PHACTR1: variants seen among roughly 807,000 people sequenced by gnomAD.
The protein encoded by PHACTR1 is RPEL repeat containing 1.
PHACTR1 carries 16 observed loss-of-function variants against 69.2 expected under a neutral mutation model. The observed-to-expected ratio is 0.23, with a 90% confidence interval of 0.16 to 0.35. The LOEUF is 0.35. Ranked by LOEUF, PHACTR1 falls within the 10% of genes least tolerant of loss-of-function variation. The pLI, the probability that PHACTR1 is intolerant of heterozygous loss-of-function variation, is 1.00. For missense variants in PHACTR1, 510 were observed against 734.7 expected (o/e 0.69, Z 3.54); for synonymous variants, 312 against 284.5 (o/e 1.10, Z -0.97).
intron 5 of PHACTR1, among the ~76,000 whole-genome samples, chr6:13,053,971 T>C (rs191339352): frequency 6.6e-6 from 1 of 150,706 alleles, no homozygotes; most frequent in Admixed American, 6.6e-5. Flanking sequence ...AATAAGTGAT[T>C]CTTGGACATA....
chr6:13,213,828 G>A (rs928198452), intron 8 of PHACTR1, among the ~76,000 whole-genome samples: 7 of 152,138 alleles, frequency 4.6e-5, no homozygotes, highest in Non-Finnish European at 7.3e-5. Context: ...ACAACTGTGA[G>A]GAAATACATT....
chr6:12,803,220 C>A (rs1357739365), intron 4 of PHACTR1, among the ~76,000 whole-genome samples: 2 of 152,160 alleles, frequency 1.3e-5, no homozygotes, highest in African/African-American at 2.4e-5. Flanking sequence ...TATGTGTCAA[C>A]CCCGCTGCGT....
intron 4 of PHACTR1, among the ~76,000 whole-genome samples, chr6:12,954,889 A>T (rs1791695088): frequency 6.6e-6 from 1 of 152,256 alleles, no homozygotes; most frequent in Non-Finnish European, 1.5e-5. Context: ...ATGGCCATAT[A>T]TAATCCAGGG....
chr6:13,166,757 C>T (rs1258479984), intron 6 of PHACTR1, among the ~76,000 whole-genome samples: 3 of 152,058 alleles, frequency 2.0e-5, no homozygotes, highest in South Asian at 2.1e-4. Context: ...CCGAGGTATA[C>T]GCAAGGGATT....
At chr6:12,829,783 C>T (rs1019995159) in intron 4 of PHACTR1, among the ~76,000 whole-genome samples, 10 of 150,096 alleles carry the variant, frequency 6.7e-5, no homozygotes, top group East Asian at 1.9e-4. Flanking sequence ...GGTGAAACCC[C>T]GTCTCTACTA....
chr6:12,820,810 G>A (rs1326307205), intron 4 of PHACTR1, among the ~76,000 whole-genome samples: 1 of 152,072 alleles, frequency 6.6e-6, no homozygotes, highest in Admixed American at 6.6e-5. Context: ...AAGAAGCTGA[G>A]TTGCTAAGAT....
At chr6:13,186,724 T>G (rs745674274) in intron 7 of PHACTR1, among the ~76,000 whole-genome samples, 16 of 152,326 alleles carry the variant, frequency 1.1e-4, no homozygotes, top group Admixed American at 2.0e-4. Flanking sequence ...GTCCTCAACC[T>G]TTCTGGCACG....
intron 4 of PHACTR1, among the ~76,000 whole-genome samples, chr6:12,934,850 A>C (rs4711869): frequency 0.98 from 148,215 of 151,390 alleles, 72,635 homozygotes; most frequent in South Asian, 1. Context: ...AAAAAAACAA[A>C]AAAAAAAAAC....
chr6:12,902,938 G>A (rs1191002864), intron 4 of PHACTR1, among the ~76,000 whole-genome samples: 3 of 152,138 alleles, frequency 2.0e-5, no homozygotes, highest in East Asian at 1.9e-4. Flanking sequence ...ACCATTTGTC[G>A]AGACCCAACC....
chr6:13,173,881 G>A (rs577098983), intron 6 of PHACTR1, among the ~76,000 whole-genome samples: 1 of 152,222 alleles, frequency 6.6e-6, no homozygotes, highest in South Asian at 2.1e-4. Flanking sequence ...CTAATTTTTT[G>A]TATTTTTTGT....
intron 4 of PHACTR1, among the ~76,000 whole-genome samples, chr6:12,833,257 CT>C (rs902725417): frequency 4.0e-5 from 6 of 150,080 alleles, no homozygotes; most frequent in Non-Finnish European, 7.4e-5. Context: ...ACCTGTAGTT[CT>C]TTTTTTTTCT....
intron 6 of PHACTR1, among the ~76,000 whole-genome samples, chr6:13,165,035 A>T (rs2113585292): frequency 6.6e-6 from 1 of 152,264 alleles, no homozygotes; most frequent in Non-Finnish European, 1.5e-5. Context: ...AAATCAGAGG[A>T]AATAGTTTGA....
chr6:12,751,336 C>T (rs969843052), intron 4 of PHACTR1, among the ~76,000 whole-genome samples: 2 of 152,140 alleles, frequency 1.3e-5, no homozygotes, highest in African/African-American at 2.4e-5. Context: ...TCCATGGTTC[C>T]CACTTTGGAA....
intron 4 of PHACTR1, among the ~76,000 whole-genome samples, chr6:12,805,751 C>T (rs1381201657): frequency 2.6e-5 from 4 of 152,060 alleles, no homozygotes; most frequent in African/African-American, 9.7e-5. Flanking sequence ...CAGGCACCCA[C>T]CACCACTCCT....
intron 5 of PHACTR1, among the ~76,000 whole-genome samples, chr6:13,134,413 G>A (rs534373285): frequency 6.6e-6 from 1 of 152,332 alleles, no homozygotes; most frequent in South Asian, 2.1e-4. Context: ...GTAGAAAGAA[G>A]TAGACATGGG....
At chr6:12,854,025 A>T (rs1237113870) in intron 4 of PHACTR1, among the ~76,000 whole-genome samples, 2 of 152,238 alleles carry the variant, frequency 1.3e-5, no homozygotes, top group African/African-American at 4.8e-5. Flanking sequence ...CAATACGTAT[A>T]GGTGGAACTA....
intron 4 of PHACTR1, among the ~76,000 whole-genome samples, chr6:13,029,467 G>A (rs545651323): frequency 6.6e-6 from 1 of 152,256 alleles, no homozygotes; most frequent in East Asian, 1.9e-4. Flanking sequence ...AGTGGGGCTT[G>A]GCATGGCTAG....
chr6:13,006,228 C>T (rs559397726), intron 4 of PHACTR1, among the ~76,000 whole-genome samples: 5 of 152,214 alleles, frequency 3.3e-5, no homozygotes, highest in African/African-American at 7.2e-5. Context: ...CAGCGATGCT[C>T]GGCATGGCAG....
At chr6:13,008,042 C>A (rs1327828472) in intron 4 of PHACTR1, among the ~76,000 whole-genome samples, 2 of 152,148 alleles carry the variant, frequency 1.3e-5, no homozygotes, top group African/African-American at 4.8e-5. Flanking sequence ...CAAAAAACTG[C>A]TCACACATTT....
Sources: gnomAD v4.1 joint callset for allele counts (sites outside exome capture counted in the v4.1 genomes callset) on GRCh38, gnomAD v4.1.1 for gene constraint, MANE v1.5 for transcripts, NCBI Gene and HGNC (gene_info 2026-07-23, HGNC 2026-07-21) for gene names.